ZSCAN25: variants seen among roughly 807,000 people sequenced by gnomAD.
ZSCAN25 encodes zinc finger and SCAN domain-containing protein 25.
In ZSCAN25, 27 loss-of-function variants were observed where a neutral mutation model predicts 38.7. The ratio of observed to expected loss-of-function variants is 0.70; its 90% confidence interval spans 0.51 to 0.96. The LOEUF is 0.96. Among genes scored for constraint, ZSCAN25 ranks in the 40% least tolerant of loss-of-function variants. The pLI, the probability that ZSCAN25 is intolerant of heterozygous loss-of-function variation, is 0.00. For missense variants in ZSCAN25, 637 were observed against 705.9 expected, an observed-to-expected ratio of 0.90 and a Z score of 1.11; for synonymous variants, 273 against 277.7, an observed-to-expected ratio of 0.98 and a Z score of 0.17.
At chr7:99,663,587 A>G in the ZSCAN25 span, 16 of 994,656 alleles carry the variant, frequency 1.6e-5, no homozygotes, top group Non-Finnish European at 1.6e-5. Context: ...GTAAAATAAG[A>G]GTCTTGGACT....
At chr7:99,650,977 A>T in the ZSCAN25 span, among the ~76,000 whole-genome samples, 38 of 152,214 alleles carry the variant, frequency 2.5e-4, no homozygotes, top group Admixed American at 1.0e-3. Context: ...TGATTATATT[A>T]AGGAAAAAAT....
chr7:99,705,534 G>A, the ZSCAN25 span: 1 of 1,613,648 alleles, frequency 6.2e-7, no homozygotes, highest in East Asian at 2.2e-5. Context: ...CCTTGACTCA[G>A]CCTTTAGAAC....
chr7:99,728,685 C>T, the ZSCAN25 span, among the ~76,000 whole-genome samples: 2 of 152,134 alleles, frequency 1.3e-5, no homozygotes, highest in Admixed American at 6.6e-5. Flanking sequence ...GCAAATGGGA[C>T]TGAACAACTT....
chr7:99,620,136 G>T, intron 4 of ZSCAN25, 143 bp downstream of exon 4: 1 of 1,245,854 alleles, frequency 8.0e-7, no homozygotes, highest in Non-Finnish European at 1.1e-6. Flanking sequence ...GTTCTTTTTG[G>T]AGAGCAGTGG....
the ZSCAN25 span, chr7:99,666,780 A>C: frequency 6.2e-7 from 1 of 1,602,772 alleles, no homozygotes; most frequent in South Asian, 1.1e-5. Flanking sequence ...GCAGTAAGTG[A>C]CATTTTGTAA....
At chr7:99,725,194 C>G in the ZSCAN25 span, among the ~76,000 whole-genome samples, 1 of 152,186 alleles carries the variant, frequency 6.6e-6, no homozygotes, top group East Asian at 1.9e-4. Flanking sequence ...TCATGGCCCA[C>G]TTAGCACCTA....
At chr7:99,699,175 C>T in the ZSCAN25 span, among the ~76,000 whole-genome samples, 1 of 152,184 alleles carries the variant, frequency 6.6e-6, no homozygotes, top group African/African-American at 2.4e-5. Context: ...TAGCAGATTC[C>T]CATTAGCTGA....
At position 99,629,769 on chromosome 7, in the gene ZSCAN25, G is replaced by A. The variant is rs376763088; in HGVS notation, c.1384G>A (p.Glu462Lys). 3 of 1,614,110 alleles carry A rather than the reference G, an allele frequency of 1.9e-6. No individual in the cohort carries two copies. Among genetic ancestry groups the A allele is most frequent in the African/African-American group, 1.3e-5 (1 of 74,938 alleles). Residue 462 changes from glutamate (E) to lysine (K), a missense_variant, in exon 8 of 8, where the codon GAG (glutamate) becomes AAG (lysine). Coordinates refer to ENST00000394152, the MANE Select transcript of ZSCAN25 (RefSeq NM_145115.3). This position sits in a 1 kb window ranked among gnomAD's most constrained non-coding sequence, Gnocchi z 5.6. The part of the protein sequence containing the change: ...THTGEKPYTC[E>K]CGKSFSRNAN... ...CACCGGGGAGAAGCCCTACACCTGC[G>A]AGTGTGGCAAGAGCTTCAGCAGGAA...
chr7:99,667,111 C>G, the ZSCAN25 span: 1 of 1,551,176 alleles, frequency 6.4e-7, no homozygotes, highest in Non-Finnish European at 8.9e-7. Flanking sequence ...TTGTGGTGAT[C>G]TTCATGGTTG....
the ZSCAN25 span, among the ~76,000 whole-genome samples, chr7:99,696,495 C>T: frequency 6.6e-6 from 1 of 152,110 alleles, no homozygotes; most frequent in African/African-American, 2.4e-5. Context: ...CTTCCATTGG[C>T]CTCGTAGAAA....
the ZSCAN25 span, among the ~76,000 whole-genome samples, chr7:99,693,430 A>T: frequency 1.3e-5 from 2 of 152,154 alleles, no homozygotes; most frequent in Non-Finnish European, 2.9e-5. Context: ...CTCTCTTCAG[A>T]GCTGTCAGAC....
the ZSCAN25 span, among the ~76,000 whole-genome samples, chr7:99,687,938 G>A: frequency 5.3e-5 from 8 of 152,128 alleles, no homozygotes; most frequent in East Asian, 1.2e-3. Flanking sequence ...ATAAGTGAAG[G>A]AGAAATAAAA....
chr7:99,656,440 C>G, the ZSCAN25 span, among the ~76,000 whole-genome samples: 1 of 152,152 alleles, frequency 6.6e-6, no homozygotes, highest in Non-Finnish European at 1.5e-5. Context: ...CCCACTTGAT[C>G]ATGGTGGATA....
intron 6 of ZSCAN25, 129 bp downstream of exon 6, chr7:99,622,769 G>A (rs754006066): frequency 4.3e-5 from 34 of 791,318 alleles, no homozygotes; most frequent in Non-Finnish European, 6.2e-5. Context: ...TCCTAGTCCC[G>A]GTGGACCTGA....
the ZSCAN25 span, chr7:99,672,740 A>G: frequency 6.2e-7 from 1 of 1,608,812 alleles, no homozygotes; most frequent in Non-Finnish European, 8.5e-7. Flanking sequence ...CTGGAGCCAC[A>G]CCCAGGAAGC....
At chr7:99,691,449 A>T in the ZSCAN25 span, among the ~76,000 whole-genome samples, 1 of 151,492 alleles carries the variant, frequency 6.6e-6, no homozygotes, top group Non-Finnish European at 1.5e-5. Flanking sequence ...ATAATAAAAT[A>T]AAATAAACCT....
chr7:99,679,495 C>T, the ZSCAN25 span, among the ~76,000 whole-genome samples: 3 of 152,264 alleles, frequency 2.0e-5, no homozygotes, highest in Non-Finnish European at 2.9e-5. Context: ...TCACACTGTC[C>T]ATCATGATCA....
At position 99,630,880 on chromosome 7, in the gene ZSCAN25, A is replaced by C; in HGVS notation, c.*860A>C. 1 of 982,310 alleles carries C rather than the reference A, an allele frequency of 1.0e-6. No individual in the cohort carries two copies. The allele number at this position is 982,310 out of a possible 1,614,324, so 60.8% of individuals were successfully genotyped here. A position where few individuals can be genotyped will look rare whatever the true frequency, so the allele number is the denominator to read the frequency against. On this transcript the variant is annotated 3_prime_UTR_variant, in exon 8 of 8. Coordinates refer to ENST00000394152, the MANE Select transcript of ZSCAN25 (RefSeq NM_145115.3). ...AAACAGTTCTCTAGAAAGAACTGTT[A>C]TAATTAAAATGAGTCTGAAAGATGA...
At chr7:99,695,922 G>C in the ZSCAN25 span, 2 of 1,141,840 alleles carry the variant, frequency 1.8e-6, no homozygotes, top group South Asian at 2.7e-5. Context: ...TGAGGAACTG[G>C]AATGCTCAAG....
Sources: gnomAD v4.1 joint callset for allele counts (sites outside exome capture counted in the v4.1 genomes callset) on GRCh38, gnomAD v4.1.1 for gene constraint, Gnocchi (gnomAD v3.1) non-coding constraint, MANE v1.5 for transcripts, NCBI Gene and HGNC (gene_info 2026-07-23, HGNC 2026-07-21) for gene names.